Variants in COL25A1 observed in about 807,000 individuals in gnomAD.
COL25A1 encodes collagen alpha-1(XXV) chain.
Under a neutral mutation model 128.4 loss-of-function variants are expected in COL25A1, and 103 were observed. The observed-to-expected ratio is 0.80, with a 90% CI of 0.68 to 0.94. COL25A1 has a LOEUF of 0.94. Among genes scored for constraint, COL25A1 ranks in the 40% least tolerant of loss-of-function variants. COL25A1 has a pLI of 0.00. For synonymous variants in COL25A1, 279 were observed against 277.2 expected, an observed-to-expected ratio of 1.01 and a Z score of -0.06; for missense variants, 745 against 840.0, an observed-to-expected ratio of 0.89 and a Z score of 1.40.
At position 109,272,925 on chromosome 4, in the gene COL25A1, G is replaced by C. The variant is rs528948124; in HGVS notation, c.367+27658C>G. Reference sequence around the variant, plus strand: ...GGCTGGGTATTAAGTACGGTGTCAAGTGAGACAGAAAAGGAAAGTTAGGGT... The same window carrying C: ...GGCTGGGTATTAAGTACGGTGTCAACTGAGACAGAAAAGGAAAGTTAGGGT... On this transcript the variant is annotated intron_variant, in intron 3 of 37. Transcript: ENST00000399132. Among the ~76,000 whole-genome samples, 4 of 152,286 alleles carry C rather than the reference G, an allele frequency of 2.6e-5. No homozygotes were observed. In the East Asian group the frequency reaches 5.8e-4, roughly 22 times the overall value.
intron 3 of COL25A1, among the ~76,000 whole-genome samples, chr4:109,222,570 ACACTT>A (rs1399132071): frequency 3.3e-5 from 5 of 152,188 alleles, no homozygotes; most frequent in African/African-American, 1.2e-4. Flanking sequence ...TACTACATAA[ACACTT>A]TAATATGTTT....
chr4:108,967,885 A>G (rs778467274), intron 8 of COL25A1, among the ~76,000 whole-genome samples: 26 of 152,186 alleles, frequency 1.7e-4, no homozygotes, highest in Non-Finnish European at 2.9e-4. Context: ...TCATAGCCTC[A>G]AAACTTTGCA....
chr4:109,027,127 C>T (rs2125910116), intron 5 of COL25A1, among the ~76,000 whole-genome samples: 1 of 152,284 alleles, frequency 6.6e-6, no homozygotes, highest in South Asian at 2.1e-4. Flanking sequence ...AAACAAAGCC[C>T]CGCTATCACT....
intron 13 of COL25A1, among the ~76,000 whole-genome samples, 161 bp downstream of exon 13, chr4:108,918,011 A>T (rs1012522094): frequency 1.3e-5 from 2 of 152,236 alleles, no homozygotes; most frequent in African/African-American, 2.4e-5. Flanking sequence ...ATCTTTAAAA[A>T]TTAAACTAAT....
intron 30 of COL25A1, among the ~76,000 whole-genome samples, chr4:108,842,535 G>A (rs1186353538): frequency 6.6e-6 from 1 of 152,102 alleles, no homozygotes; most frequent in Non-Finnish European, 1.5e-5. Flanking sequence ...ATATCCATCA[G>A]TAAAATTATA....
At chr4:109,151,215 G>A (rs1771470193) in intron 3 of COL25A1, among the ~76,000 whole-genome samples, 3 of 152,008 alleles carry the variant, frequency 2.0e-5, no homozygotes, top group Non-Finnish European at 1.5e-5. Context: ...TCAAAAAAAT[G>A]TATGGATGCT....
intron 5 of COL25A1, among the ~76,000 whole-genome samples, chr4:109,013,946 C>G (rs1756960038): frequency 6.6e-6 from 1 of 152,076 alleles, no homozygotes; most frequent in Non-Finnish European, 1.5e-5. Context: ...CCTCCCCCAC[C>G]CCACCAACCC....
chr4:108,984,238 A>G (rs1430125799), intron 6 of COL25A1, among the ~76,000 whole-genome samples: 1 of 152,302 alleles, frequency 6.6e-6, no homozygotes, highest in African/African-American at 2.4e-5. Context: ...TGAGGTAGAT[A>G]CAGAGTGCCA....
chr4:109,262,793 T>C (rs1171329083), intron 3 of COL25A1, among the ~76,000 whole-genome samples: 1 of 152,138 alleles, frequency 6.6e-6, no homozygotes, highest in East Asian at 1.9e-4. Flanking sequence ...TTAAGCACAA[T>C]AGTATTTTAT....
At chr4:108,878,312 A>G (rs1010883151) in intron 19 of COL25A1, among the ~76,000 whole-genome samples, 1 of 152,026 alleles carries the variant, frequency 6.6e-6, no homozygotes, top group African/African-American at 2.4e-5. Flanking sequence ...ACCCCCGAGA[A>G]GATCCAGTTT....
chr4:109,128,231 T>A (rs918773980), intron 3 of COL25A1, among the ~76,000 whole-genome samples: 1 of 152,160 alleles, frequency 6.6e-6, no homozygotes, highest in African/African-American at 2.4e-5. Flanking sequence ...ACCAAACAGA[T>A]CTGCTGGCAC....
chr4:109,085,945 C>A (rs569768378), intron 3 of COL25A1, among the ~76,000 whole-genome samples: 1 of 152,208 alleles, frequency 6.6e-6, no homozygotes, highest in Non-Finnish European at 1.5e-5. Context: ...TTACTAAATC[C>A]AAAGAGTACA....
At chr4:109,000,372 T>C (rs1579039273) in intron 6 of COL25A1, among the ~76,000 whole-genome samples, 2 of 152,244 alleles carry the variant, frequency 1.3e-5, no homozygotes, top group Non-Finnish European at 2.9e-5. Context: ...GATAGATAGT[T>C]TGTCAGTGGT....
In COL25A1 at chr4:109,096,470, T is replaced by C. The variant is rs138908208; in HGVS notation, c.368-46291A>G. Among the ~76,000 whole-genome samples the C allele has an allele frequency of 6.0e-4, 77 of 129,110 alleles. No individual in the cohort carries two copies. In the East Asian group the frequency reaches 0.023, roughly 39 times the overall value. 84.7% of individuals were successfully genotyped at this position (129,110 alleles called of 152,430 possible). On this transcript the variant is annotated intron_variant, in intron 3 of 37. Transcript: ENST00000399132. ...GCCTAGAATATTGAGTATAGTAACATGCTGTACAGGTTGGTACCCTAGGAG... is the reference window on the plus strand; with the variant it reads ...GCCTAGAATATTGAGTATAGTAACACGCTGTACAGGTTGGTACCCTAGGAG...
At chr4:109,114,986 T>C (rs908307226) in intron 3 of COL25A1, among the ~76,000 whole-genome samples, 2 of 152,046 alleles carry the variant, frequency 1.3e-5, no homozygotes, top group East Asian at 1.9e-4. Context: ...ACACCACTAA[T>C]TGCTAGAACA....
At chr4:109,067,601 C>T (rs947534706) in intron 3 of COL25A1, among the ~76,000 whole-genome samples, 2 of 152,144 alleles carry the variant, frequency 1.3e-5, no homozygotes, top group African/African-American at 4.8e-5. Context: ...GGAAAAATTT[C>T]TTTACAGAAG....
At chr4:109,252,085 T>C (rs755888646) in intron 3 of COL25A1, among the ~76,000 whole-genome samples, 3 of 152,248 alleles carry the variant, frequency 2.0e-5, no homozygotes, top group Admixed American at 6.5e-5. Context: ...GCTGTGTGTA[T>C]GCTGCTAGGG....
intron 3 of COL25A1, among the ~76,000 whole-genome samples, chr4:109,273,131 T>C (rs369763071): frequency 4.1e-4 from 62 of 152,280 alleles, no homozygotes; most frequent in African/African-American, 1.4e-3. Context: ...AGAGGTCCGA[T>C]GCCACAAATA....
rs751717158 is a variant in COL25A1, at chr4:108,863,347, C to T, written c.1124G>A (p.Arg375Gln). The T allele has an allele frequency of 3.4e-5, 55 of 1,613,658 alleles. No homozygotes were observed. Among genetic ancestry groups the T allele is most frequent in the Admixed American group, 1.8e-4 (11 of 59,962 alleles). Residue 375 changes from arginine (R) to glutamine (Q), a missense_variant, in exon 21 of 38, where the codon CGA becomes CAA. Around this residue, in one of 3 missense-constraint regions of COL25A1, gnomAD observed 387 missense variants for 441.9 expected, o/e 0.88. Coordinates refer to ENST00000399132, the MANE Select transcript of COL25A1 (RefSeq NM_198721.4). ...GEAGPPGRGE[R>Q]GEPGAPGPKG... Reference sequence around the variant, plus strand: ...TGGTCCGGGGGCTCCAGGTTCCCCTCGCTCACCTCTTCCAGGAGGCCCTGC... The same window carrying T: ...TGGTCCGGGGGCTCCAGGTTCCCCTTGCTCACCTCTTCCAGGAGGCCCTGC...
Sources: allele counts gnomAD v4.1 joint callset (sites outside exome capture counted in the v4.1 genomes callset), GRCh38; gene constraint gnomAD v4.1.1; regional missense constraint gnomAD v4.1.1; transcripts MANE v1.5; gene names NCBI Gene and HGNC (gene_info 2026-07-23, HGNC 2026-07-21).